The following SLC7A14 variants were observed in gnomAD, a reference collection of about 807,000 sequenced individuals.
SLC7A14 encodes the protein gamma-aminobutyric acid transporter SLC7A14.
A neutral mutation model predicts 60.2 loss-of-function variants in SLC7A14; 37 were observed. The ratio of observed to expected loss-of-function variants is 0.61; its 90% CI spans 0.47 to 0.81. SLC7A14 has a LOEUF of 0.81. Among genes scored for constraint, SLC7A14 ranks in the 30% least tolerant of loss-of-function variants. The probability of loss-of-function intolerance (pLI) is 0.00; values close to 1 mark genes in which losing one functional copy is unlikely to be tolerated. For synonymous variants in SLC7A14, 399 were observed against 395.8 expected, an observed-to-expected ratio of 1.01 and a Z score of -0.10; for missense variants, 886 against 982.7, an observed-to-expected ratio of 0.90 and a Z score of 1.32.
chr3:170,537,774 AGTGATGGCAG>A lies in SLC7A14; in HGVS notation c.-152-10696_-152-10687del, dbSNP rs771778321. On this transcript the variant is annotated intron_variant, in intron 1 of 7. Coordinates refer to ENST00000231706, the MANE Select transcript of SLC7A14 (RefSeq NM_020949.3). ...AGTGGTTTATTTGAGGCCACACCCA[AGTGATGGCAG>A]GTGTCCTGACCTCCAAGCCAGTGCT... Among the ~76,000 whole-genome samples the A allele has an allele frequency of 7.5e-4, 114 of 152,304 alleles. 1 individual carries two copies. The highest frequency in any genetic ancestry group is 3.5e-3 in the South Asian group (17 of 4,828).
chr3:170,577,460 T>G (rs1214079909), intron 1 of SLC7A14, among the ~76,000 whole-genome samples: 1 of 150,122 alleles, frequency 6.7e-6, no homozygotes, highest in Non-Finnish European at 1.5e-5. Flanking sequence ...CTACTAAAAA[T>G]ACAAAAACTT....
At chr3:170,563,745 G>A (rs1409215399) in intron 1 of SLC7A14, among the ~76,000 whole-genome samples, 1 of 152,072 alleles carries the variant, frequency 6.6e-6, no homozygotes, top group East Asian at 1.9e-4. Context: ...CTTAAAGATT[G>A]TATATAAAGC....
At chr3:170,515,319 C>T (rs1028280505) in intron 2 of SLC7A14, among the ~76,000 whole-genome samples, 3 of 96,040 alleles carry the variant, frequency 3.1e-5, no homozygotes, top group African/African-American at 4.7e-5. Context: ...TCCGCCCCCC[C>T]CAAAAAAAAA....
chr3:170,565,758 A>G (rs1714771525), intron 1 of SLC7A14, among the ~76,000 whole-genome samples: 1 of 152,142 alleles, frequency 6.6e-6, no homozygotes, highest in African/African-American at 2.4e-5. Context: ...GTGGATAAAC[A>G]GATGATCTCA....
At chr3:170,553,849 CTTT>C (rs3077204) in intron 1 of SLC7A14, among the ~76,000 whole-genome samples, 1 of 143,196 alleles carries the variant, frequency 7.0e-6, no homozygotes, top group Admixed American at 6.9e-5. Context: ...GTTAAAAAAA[CTTT>C]TTTTTTTTTT....
At chr3:170,537,432 C>T (rs1329294321) in intron 1 of SLC7A14, among the ~76,000 whole-genome samples, 2 of 152,196 alleles carry the variant, frequency 1.3e-5, no homozygotes, top group African/African-American at 2.4e-5. Context: ...GCAGAGTCCC[C>T]TTTGTCATAG....
chr3:170,536,646 C>T (rs1713850688), intron 1 of SLC7A14, among the ~76,000 whole-genome samples: 1 of 152,184 alleles, frequency 6.6e-6, no homozygotes. Context: ...AGGTTTTGTC[C>T]CAGTCCCGTA....
intron 2 of SLC7A14, among the ~76,000 whole-genome samples, chr3:170,503,757 T>A (rs1026812223): frequency 2.0e-5 from 3 of 152,242 alleles, no homozygotes; most frequent in African/African-American, 7.2e-5. Flanking sequence ...ACATTCGATC[T>A]GACAAATTAA....
intron 1 of SLC7A14, among the ~76,000 whole-genome samples, chr3:170,544,077 T>TATTTTAATAA (rs1236048229): frequency 6.6e-6 from 1 of 151,788 alleles, no homozygotes; most frequent in East Asian, 1.9e-4. Context: ...ATCTGAAGAG[T>TATTTTAATAA]ATTTTAATAA....
intron 2 of SLC7A14, among the ~76,000 whole-genome samples, chr3:170,509,726 C>T (rs1217148055): frequency 1.3e-5 from 2 of 151,836 alleles, no homozygotes; most frequent in African/African-American, 4.8e-5. Flanking sequence ...GGGTGGATCA[C>T]CTGATGTCAG....
chr3:170,561,080 C>G (rs948812050), intron 1 of SLC7A14, among the ~76,000 whole-genome samples: 1 of 152,206 alleles, frequency 6.6e-6, no homozygotes, highest in African/African-American at 2.4e-5. Context: ...CAACCTGCCT[C>G]CACTTCTTCC....
At chr3:170,577,643 A>G (rs1436725234) in intron 1 of SLC7A14, among the ~76,000 whole-genome samples, 1 of 151,416 alleles carries the variant, frequency 6.6e-6, no homozygotes, top group East Asian at 1.9e-4. Flanking sequence ...AAAAAAAAAA[A>G]AAAAAGAAAA....
chr3:170,491,000 C>G (rs1238674417), intron 4 of SLC7A14, among the ~76,000 whole-genome samples: 2 of 152,300 alleles, frequency 1.3e-5, no homozygotes, highest in East Asian at 3.9e-4. Context: ...TTCTCTCCTC[C>G]TTCTACTCCC....
At chr3:170,486,501 G>GAT in intron 4 of SLC7A14, 133 bp from the exon 5 acceptor site, 8 of 1,100,740 alleles carry the variant, frequency 7.3e-6, no homozygotes, top group Admixed American at 3.9e-5. Context: ...TGGAACTCGT[G>GAT]CTAAACACGC....
intron 1 of SLC7A14, among the ~76,000 whole-genome samples, chr3:170,548,219 A>G (rs769529877): frequency 3.9e-5 from 6 of 152,206 alleles, no homozygotes; most frequent in Non-Finnish European, 8.8e-5. Context: ...GCTGGGAGCT[A>G]AGGATACCAG....
intron 1 of SLC7A14, among the ~76,000 whole-genome samples, chr3:170,530,939 T>C (rs1472256862): frequency 1.3e-5 from 2 of 152,112 alleles, no homozygotes; most frequent in Non-Finnish European, 2.9e-5. Context: ...CATGCCCGCT[T>C]TTGAGGGGTG....
chr3:170,469,321 TC>T (rs1375093907), intron 7 of SLC7A14, among the ~76,000 whole-genome samples: 3 of 152,124 alleles, frequency 2.0e-5, no homozygotes, highest in African/African-American at 7.2e-5. Flanking sequence ...AATGACTTTG[TC>T]CCCCCTCCCT....
chr3:170,546,269 T>C (rs1413855276), intron 1 of SLC7A14, among the ~76,000 whole-genome samples: 1 of 151,908 alleles, frequency 6.6e-6, no homozygotes, highest in Non-Finnish European at 1.5e-5. Flanking sequence ...AAAGTAGGAG[T>C]CTGTTGGAAA....
intron 1 of SLC7A14, among the ~76,000 whole-genome samples, chr3:170,545,375 C>G (rs1178601816): frequency 6.6e-6 from 1 of 152,144 alleles, no homozygotes; most frequent in Non-Finnish European, 1.5e-5. Context: ...TCTCCTTCAC[C>G]CTTATCCAGA....
Sources: gnomAD v4.1 joint callset for allele counts (sites outside exome capture counted in the v4.1 genomes callset) on GRCh38, gnomAD v4.1.1 for gene constraint, MANE v1.5 for transcripts, NCBI Gene and HGNC (gene_info 2026-07-23, HGNC 2026-07-21) for gene names.